The following ZNF804A variants were observed in gnomAD, a reference collection of about 807,000 sequenced individuals.
The protein encoded by ZNF804A is zinc finger protein 804A.
Under a neutral mutation model 16.5 loss-of-function variants are expected in ZNF804A, and 2 were observed. The observed-to-expected ratio is 0.12, with a 90% CI of 0.05 to 0.38. The LOEUF is 0.38. Among genes scored for constraint, ZNF804A ranks in the 10% least tolerant of loss-of-function variants. The pLI is 0.99. For synonymous variants in ZNF804A, 534 were observed against 489.6 expected (o/e 1.09, Z -1.20); for missense variants, 1,473 against 1,390.7 (o/e 1.06, Z -0.94).
At chr2:184,627,993 G>T (rs1480128333) in intron 1 of ZNF804A, among the ~76,000 whole-genome samples, 1 of 152,094 alleles carries the variant, frequency 6.6e-6, no homozygotes, top group Admixed American at 6.6e-5. Flanking sequence ...GGGAACAAAA[G>T]AACAAAATTT....
At chr2:184,774,915 A>G (rs888357374) in intron 1 of ZNF804A, among the ~76,000 whole-genome samples, 3 of 150,356 alleles carry the variant, frequency 2.0e-5, no homozygotes, top group Admixed American at 6.6e-5. Context: ...GAGATGGATC[A>G]CTCTCTTTTT....
chr2:184,737,746 C>T (rs973683293), intron 1 of ZNF804A, among the ~76,000 whole-genome samples: 5 of 152,042 alleles, frequency 3.3e-5, no homozygotes, highest in South Asian at 2.1e-4. Flanking sequence ...ATAAACTCTT[C>T]GACTTGAATA....
At chr2:184,918,413 A>G (rs1338830873) in intron 2 of ZNF804A, among the ~76,000 whole-genome samples, 1 of 152,206 alleles carries the variant, frequency 6.6e-6, no homozygotes, top group Non-Finnish European at 1.5e-5. Flanking sequence ...AAGTAAATCA[A>G]TAGTGGTAAT....
chr2:184,729,764 T>G (rs1188837027), intron 1 of ZNF804A, among the ~76,000 whole-genome samples: 2 of 152,144 alleles, frequency 1.3e-5, no homozygotes, highest in Non-Finnish European at 2.9e-5. Context: ...CTAGATATCT[T>G]GACAAATGTG....
chr2:184,692,506 G>A (rs1692748780), intron 1 of ZNF804A, among the ~76,000 whole-genome samples: 1 of 152,150 alleles, frequency 6.6e-6, no homozygotes. Context: ...CTCCTAGTCA[G>A]CGATGCTGGA....
At chr2:184,839,567 C>T (rs1051149624) in intron 1 of ZNF804A, among the ~76,000 whole-genome samples, 1 of 150,942 alleles carries the variant, frequency 6.6e-6, no homozygotes, top group Non-Finnish European at 1.5e-5. Flanking sequence ...AGGTTGCCCT[C>T]TCTTTCAAGA....
intron 1 of ZNF804A, among the ~76,000 whole-genome samples, chr2:184,678,993 C>T (rs531577799): frequency 6.6e-6 from 1 of 151,998 alleles, no homozygotes; most frequent in African/African-American, 2.4e-5. Context: ...TATAGTGAGA[C>T]TCGGTTATAA....
At chr2:184,848,044 A>G (rs942233142) in intron 1 of ZNF804A, among the ~76,000 whole-genome samples, 1 of 151,986 alleles carries the variant, frequency 6.6e-6, no homozygotes, top group East Asian at 1.9e-4. Context: ...GACATTAATT[A>G]TAACGTCATT....
At chr2:184,666,222 G>T (rs1483699892) in intron 1 of ZNF804A, among the ~76,000 whole-genome samples, 1 of 152,004 alleles carries the variant, frequency 6.6e-6, no homozygotes, top group African/African-American at 2.4e-5. Flanking sequence ...TTAATTGAAT[G>T]CAGTGTACTT....
intron 1 of ZNF804A, among the ~76,000 whole-genome samples, chr2:184,784,423 A>G (rs2105775511): frequency 6.6e-6 from 1 of 152,060 alleles, no homozygotes; most frequent in Non-Finnish European, 1.5e-5. Context: ...TTCTTGCTGG[A>G]GGTCTGATGG....
intron 2 of ZNF804A, among the ~76,000 whole-genome samples, chr2:184,906,740 G>A (rs1273161615): frequency 1.3e-5 from 2 of 152,062 alleles, no homozygotes; most frequent in Non-Finnish European, 1.5e-5. Context: ...AAGTAATTTT[G>A]CGATACAATT....
At chr2:184,717,617 T>C (rs778204287) in intron 1 of ZNF804A, among the ~76,000 whole-genome samples, 4 of 152,350 alleles carry the variant, frequency 2.6e-5, no homozygotes, top group Non-Finnish European at 4.4e-5. Context: ...TTGCATTACA[T>C]GTAAGTTGGC....
intron 2 of ZNF804A, among the ~76,000 whole-genome samples, chr2:184,903,341 T>C (rs1267184866): frequency 6.6e-6 from 1 of 152,124 alleles, no homozygotes; most frequent in Non-Finnish European, 1.5e-5. Flanking sequence ...ATTTTTACTG[T>C]ACCGTTTCTA....
intron 1 of ZNF804A, among the ~76,000 whole-genome samples, chr2:184,829,929 C>CAAAAAAA (rs1225922566): frequency 4.1e-5 from 3 of 72,606 alleles, no homozygotes; most frequent in East Asian, 3.1e-4. Context: ...AAAACAAAAA[C>CAAAAAAA]AAAAAAAAAA....
At chr2:184,731,251 C>CAAAAAAAAAAAAAAA (rs563068533) in intron 1 of ZNF804A, among the ~76,000 whole-genome samples, 2 of 45,296 alleles carry the variant, frequency 4.4e-5, no homozygotes, top group Non-Finnish European at 7.0e-5. Flanking sequence ...GGCTCCGTCG[C>CAAAAAAAAAAAAAAA]AAAAAAAAAA....
intron 1 of ZNF804A, among the ~76,000 whole-genome samples, chr2:184,688,118 C>T (rs1214160283): frequency 6.6e-6 from 1 of 151,448 alleles, no homozygotes; most frequent in Non-Finnish European, 1.5e-5. Context: ...GACACTGTCT[C>T]AAAACAAAAA....
chr2:184,678,939 T>C (rs1159488020), intron 1 of ZNF804A, among the ~76,000 whole-genome samples: 2 of 152,114 alleles, frequency 1.3e-5, no homozygotes, highest in South Asian at 2.1e-4. Flanking sequence ...AAACACAAAA[T>C]ACATTTAAAA....
intron 1 of ZNF804A, among the ~76,000 whole-genome samples, chr2:184,803,469 G>A (rs1372391541): frequency 6.6e-6 from 1 of 151,756 alleles, no homozygotes; most frequent in Non-Finnish European, 1.5e-5. Flanking sequence ...AACTACATGA[G>A]CAAAGGGTTT....
chr2:184,678,595 A>G (rs1338181754), intron 1 of ZNF804A, among the ~76,000 whole-genome samples: 2 of 152,210 alleles, frequency 1.3e-5, no homozygotes, highest in Non-Finnish European at 2.9e-5. Context: ...AATAGTCAAC[A>G]GAGATACAGG....
Sources: gnomAD v4.1 joint callset for allele counts (sites outside exome capture counted in the v4.1 genomes callset) on GRCh38, gnomAD v4.1.1 for gene constraint, MANE v1.5 for transcripts, NCBI Gene and HGNC (gene_info 2026-07-23, HGNC 2026-07-21) for gene names.